Variants in MYO1D observed in about 807,000 individuals in gnomAD.
MYO1D encodes myosin ID.
MYO1D carries 83 observed loss-of-function variants against 122.0 expected under a neutral mutation model. The observed-to-expected ratio is 0.68, with a 90% CI of 0.57 to 0.82. The LOEUF is 0.82. Among genes scored for constraint, MYO1D ranks in the 40% least tolerant of loss-of-function variants. The pLI is 0.00. For missense variants in MYO1D, 1,157 were observed against 1,269.5 expected, an observed-to-expected ratio of 0.91 and a Z score of 1.35; for synonymous variants, 464 against 446.9, an observed-to-expected ratio of 1.04 and a Z score of -0.48.
At chr17:32,832,306 T>C (rs1244192136) in intron 1 of MYO1D, among the ~76,000 whole-genome samples, 4 of 151,266 alleles carry the variant, frequency 2.6e-5, no homozygotes, top group African/African-American at 9.7e-5. Flanking sequence ...TTTTTTTTTT[T>C]TGTATTTTTT....
intron 21 of MYO1D, among the ~76,000 whole-genome samples, chr17:32,528,304 A>T (rs1248083221): frequency 6.6e-6 from 1 of 152,182 alleles, no homozygotes; most frequent in African/African-American, 2.4e-5. Flanking sequence ...GTAGCAAGGC[A>T]CTGAGGAATT....
intron 15 of MYO1D, among the ~76,000 whole-genome samples, chr17:32,717,812 A>G (rs2089465604): frequency 1.3e-5 from 2 of 152,214 alleles, no homozygotes. Flanking sequence ...AAAGTGAACA[A>G]ATGTATTTTT....
chr17:32,765,159 A>G, intron 7 of MYO1D, 78 bp from the exon 8 acceptor site: 1 of 1,220,090 alleles, frequency 8.2e-7, no homozygotes, highest in Non-Finnish European at 1.2e-6. Flanking sequence ...AATACAATTC[A>G]GGTGACCTTG....
At position 32,636,940 on chromosome 17, in the gene MYO1D, A is replaced by G. The variant is rs1232511290; in HGVS notation, c.2709+1782T>C. 3.3e-5 allele frequency among the ~76,000 whole-genome samples: 5 copies of G among 152,344 alleles called. No individual in the cohort carries two copies. In the East Asian group the frequency reaches 7.7e-4, roughly 23 times the overall value. ...ACGGTATGGGCAGGGTGTTGACAGC[A>G]TCTGCAACGGGGTGTATCCATCCCA... is the stretch of plus-strand genomic sequence containing the variant. On this transcript the variant is annotated intron_variant, in intron 20 of 21. Transcript: ENST00000318217.
chr17:32,794,146 G>C (rs975942893), intron 1 of MYO1D: 1 of 152,138 alleles, frequency 6.6e-6, no homozygotes, highest in African/African-American at 2.4e-5. Flanking sequence ...GCAGTTCATG[G>C]GGACCCTCTA....
intron 19 of MYO1D, among the ~76,000 whole-genome samples, chr17:32,648,317 T>C (rs2088328902): frequency 6.6e-6 from 1 of 152,214 alleles, no homozygotes; most frequent in African/African-American, 2.4e-5. Flanking sequence ...TAATAAGAAA[T>C]ACATATATTT....
At chr17:32,648,295 C>A (rs1479195275) in intron 19 of MYO1D, among the ~76,000 whole-genome samples, 1 of 152,162 alleles carries the variant, frequency 6.6e-6, no homozygotes, top group Non-Finnish European at 1.5e-5. Context: ...TGTTCAAACA[C>A]TGATTGTGAT....
intron 14 of MYO1D, among the ~76,000 whole-genome samples, chr17:32,724,764 C>T (rs1257919295): frequency 6.6e-6 from 1 of 152,040 alleles, no homozygotes; most frequent in African/African-American, 2.4e-5. Context: ...TTACAGAGCC[C>T]ATAATTCAGC....
At chr17:32,801,371 G>C (rs1213304452) in intron 1 of MYO1D, among the ~76,000 whole-genome samples, 1 of 152,234 alleles carries the variant, frequency 6.6e-6, no homozygotes, top group Non-Finnish European at 1.5e-5. Flanking sequence ...ATTTGGCAGA[G>C]ACAGGGCTGA....
chr17:32,509,777 C>CGG (rs1567871152), intron 21 of MYO1D, among the ~76,000 whole-genome samples: 1 of 151,890 alleles, frequency 6.6e-6, no homozygotes. Context: ...TTAGTAGAGA[C>CGG]GGGGTTTCAC....
intron 12 of MYO1D, among the ~76,000 whole-genome samples, chr17:32,748,094 T>TGAAAGAA (rs2089856903): frequency 6.6e-6 from 1 of 152,208 alleles, no homozygotes; most frequent in Non-Finnish European, 1.5e-5. Context: ...CCGATTGTGG[T>TGAAAGAA]TAATTTGTTA....
At chr17:32,828,823 T>C (rs1361808780) in intron 1 of MYO1D, among the ~76,000 whole-genome samples, 1 of 152,218 alleles carries the variant, frequency 6.6e-6, no homozygotes, top group Non-Finnish European at 1.5e-5. Flanking sequence ...AGCCACTCTA[T>C]GGTGTTGTAT....
chr17:32,861,386 G>C (rs952417627), intron 1 of MYO1D, among the ~76,000 whole-genome samples: 3 of 152,028 alleles, frequency 2.0e-5, no homozygotes, highest in African/African-American at 4.8e-5. Context: ...CTTAGCAGAG[G>C]AAATGTGTAG....
intron 21 of MYO1D, among the ~76,000 whole-genome samples, chr17:32,597,734 G>A (rs992594179): frequency 1.2e-4 from 18 of 151,832 alleles, no homozygotes; most frequent in Middle Eastern, 3.4e-3. Flanking sequence ...TAGCCATGTT[G>A]GCAGGTGCCT....
intron 3 of MYO1D, among the ~76,000 whole-genome samples, chr17:32,777,604 T>TA (rs773784441): frequency 2.6e-5 from 4 of 152,164 alleles, no homozygotes; most frequent in Non-Finnish European, 5.9e-5. Context: ...TTATTACTCA[T>TA]CTTCCCATGA....
intron 14 of MYO1D, among the ~76,000 whole-genome samples, chr17:32,723,046 A>C (rs995625754): frequency 6.6e-6 from 1 of 152,188 alleles, no homozygotes; most frequent in Non-Finnish European, 1.5e-5. Context: ...AACAAAAAAA[A>C]CAAAACCTCA....
At chr17:32,742,935 T>A (rs2089789153) in intron 13 of MYO1D, among the ~76,000 whole-genome samples, 1 of 152,272 alleles carries the variant, frequency 6.6e-6, no homozygotes, top group African/African-American at 2.4e-5. Flanking sequence ...ACCAGTGTTG[T>A]CAAGAGTCCC....
At chr17:32,668,547 G>A (rs961651015) in intron 16 of MYO1D, among the ~76,000 whole-genome samples, 1 of 152,164 alleles carries the variant, frequency 6.6e-6, no homozygotes, top group African/African-American at 2.4e-5. Flanking sequence ...TGATTCCACA[G>A]AGTTCTAAAA....
At chr17:32,833,492 A>G (rs1043180945) in intron 1 of MYO1D, among the ~76,000 whole-genome samples, 1 of 152,160 alleles carries the variant, frequency 6.6e-6, no homozygotes, top group African/African-American at 2.4e-5. Flanking sequence ...TTTATTCTTA[A>G]AACAGCAGCC....
Sources: allele counts gnomAD v4.1 joint callset (sites outside exome capture counted in the v4.1 genomes callset), GRCh38; gene constraint gnomAD v4.1.1; transcripts MANE v1.5; gene names NCBI Gene and HGNC (gene_info 2026-07-23, HGNC 2026-07-21).